The following CNTN4 variants were observed in gnomAD, a reference collection of about 807,000 sequenced individuals.
The protein encoded by CNTN4 is contactin-4.
A neutral mutation model predicts 122.5 loss-of-function variants in CNTN4; 77 were observed. The ratio of observed to expected loss-of-function variants is 0.63; its 90% CI spans 0.52 to 0.76. CNTN4 has a LOEUF of 0.76. CNTN4 is among the 30% of genes least tolerant of loss of function. CNTN4 has a pLI of 0.00. For missense variants in CNTN4, 1,256 were observed against 1,259.1 expected (o/e 1.00, Z 0.04); for synonymous variants, 512 against 447.0 (o/e 1.15, Z -1.83).
chr3:2,954,382 A>T (rs942585351), intron 13 of CNTN4, among the ~76,000 whole-genome samples: 2 of 152,234 alleles, frequency 1.3e-5, no homozygotes, highest in Non-Finnish European at 2.9e-5. Context: ...ACCGATGGAC[A>T]GTATGTCTGG....
At chr3:2,936,451 G>A (rs2094567949) in intron 13 of CNTN4, among the ~76,000 whole-genome samples, 1 of 152,120 alleles carries the variant, frequency 6.6e-6, no homozygotes, top group African/African-American at 2.4e-5. Context: ...TGCACACTCA[G>A]GTATGACAAC....
chr3:2,828,145 G>A lies in CNTN4; in HGVS notation c.454+8564G>A, dbSNP rs144976708. 5.8e-3 allele frequency among the ~76,000 whole-genome samples: 886 copies of A among 152,022 alleles called. 5 individuals are homozygous for A. The highest frequency in any genetic ancestry group is 0.015 in the South Asian group (74 of 4,798). ...TGTTTGTGTATGTGTGTGTGTGTGC[G>A]TGTGTGTATAATGAGAGAAGTGCCC... On this transcript the variant is annotated intron_variant, in intron 7 of 24. Transcript: ENST00000418658.
chr3:2,381,249 A>G (rs928993763), intron 3 of CNTN4, among the ~76,000 whole-genome samples: 11 of 151,712 alleles, frequency 7.3e-5, no homozygotes, highest in South Asian at 2.1e-4. Context: ...CTCGTGATCC[A>G]CCCGCCTCGG....
intron 2 of CNTN4, among the ~76,000 whole-genome samples, chr3:2,125,923 G>GTGTA (rs1553570980): frequency 6.6e-6 from 1 of 150,690 alleles, no homozygotes; most frequent in Admixed American, 6.6e-5. Context: ...GTGTGTGTGT[G>GTGTA]TGTGTATGTG....
intron 3 of CNTN4, among the ~76,000 whole-genome samples, chr3:2,549,583 C>T (rs2078396137): frequency 6.6e-6 from 1 of 152,170 alleles, no homozygotes; most frequent in East Asian, 1.9e-4. Flanking sequence ...TTTTGATGTA[C>T]TGCTGAATTC....
intron 3 of CNTN4, among the ~76,000 whole-genome samples, chr3:2,485,193 T>A (rs1248314353): frequency 6.6e-6 from 1 of 152,232 alleles, no homozygotes; most frequent in East Asian, 1.9e-4. Context: ...CCTCTCCCCC[T>A]GTGGCTGTGG....
chr3:2,819,472 A>G lies in CNTN4; in HGVS notation c.359-14A>G. The G allele has an allele frequency of 6.2e-7, 1 of 1,600,306 alleles. No homozygotes were observed. Among genetic ancestry groups the G allele is most frequent in the East Asian group, 2.2e-5 (1 of 44,812 alleles). On this transcript the variant is annotated splice_polypyrimidine_tract_variant and intron_variant, in intron 6 of 24. Coordinates refer to ENST00000418658, the MANE Select transcript of CNTN4 (RefSeq NM_175607.3). ...TTAAAGTTTAAATGCTTTTTCCCAT[A>G]TTTCTCCCAACAGATCTTGACAACT...
At chr3:2,644,364 A>C (rs2083025648) in intron 4 of CNTN4, among the ~76,000 whole-genome samples, 1 of 152,188 alleles carries the variant, frequency 6.6e-6, no homozygotes, top group Non-Finnish European at 1.5e-5. Context: ...CATAGGCTTC[A>C]TTATCAGAAG....
intron 2 of CNTN4, among the ~76,000 whole-genome samples, chr3:2,275,111 T>C (rs1003838897): frequency 2.0e-5 from 3 of 152,214 alleles, no homozygotes; most frequent in Non-Finnish European, 4.4e-5. Flanking sequence ...ACATTTTATG[T>C]GTCCATCATC....
intron 13 of CNTN4, among the ~76,000 whole-genome samples, chr3:2,962,589 A>G (rs189566484): frequency 2.2e-4 from 34 of 152,322 alleles, no homozygotes; most frequent in Non-Finnish European, 1.5e-5. Context: ...TTACAGGAAT[A>G]GTTTGATCAG....
intron 13 of CNTN4, among the ~76,000 whole-genome samples, chr3:2,976,607 C>G (rs1559741956): frequency 2.0e-5 from 3 of 152,096 alleles, no homozygotes; most frequent in Admixed American, 1.3e-4. Context: ...AATTTGTTAT[C>G]CAAAATACCT....
At chr3:2,928,858 T>A (rs2151399553) in intron 13 of CNTN4, among the ~76,000 whole-genome samples, 1 of 152,356 alleles carries the variant, frequency 6.6e-6, no homozygotes, top group African/African-American at 2.4e-5. Flanking sequence ...AGGTTTTGTC[T>A]CATCTAACCA....
chr3:2,466,341 G>T (rs1248897524), intron 3 of CNTN4, among the ~76,000 whole-genome samples: 1 of 152,160 alleles, frequency 6.6e-6, no homozygotes, highest in Non-Finnish European at 1.5e-5. Context: ...GTATGCATAT[G>T]TGAAACAAAA....
At chr3:2,299,988 C>T (rs1344780215) in intron 2 of CNTN4, among the ~76,000 whole-genome samples, 1 of 152,100 alleles carries the variant, frequency 6.6e-6, no homozygotes, top group East Asian at 1.9e-4. Flanking sequence ...CCACTAATGA[C>T]TACTTGAAAT....
At chr3:2,588,878 G>A (rs1452146495) in intron 4 of CNTN4, among the ~76,000 whole-genome samples, 1 of 150,594 alleles carries the variant, frequency 6.6e-6, no homozygotes, top group Admixed American at 6.6e-5. Flanking sequence ...ATATTTTTGT[G>A]TGTGATCAGT....
intron 2 of CNTN4, among the ~76,000 whole-genome samples, chr3:2,170,944 A>G (rs903248808): frequency 6.6e-6 from 1 of 152,220 alleles, no homozygotes; most frequent in Non-Finnish European, 1.5e-5. Context: ...CACTTCAAAC[A>G]AAAGCACATT....
intron 3 of CNTN4, among the ~76,000 whole-genome samples, chr3:2,387,384 A>AAAAAT (rs113323765): frequency 0.16 from 24,940 of 152,072 alleles, 2,481 homozygotes; most frequent in Middle Eastern, 0.26. Context: ...AGAACATTTA[A>AAAAAT]AAAATAAGTG....
At chr3:2,906,430 T>C (rs1266771805) in intron 12 of CNTN4, among the ~76,000 whole-genome samples, 2 of 152,124 alleles carry the variant, frequency 1.3e-5, no homozygotes, top group African/African-American at 4.8e-5. Context: ...CTTCAAAACA[T>C]GTTGTATGTA....
intron 3 of CNTN4, among the ~76,000 whole-genome samples, chr3:2,464,944 A>G (rs1020396108): frequency 6.6e-6 from 1 of 152,198 alleles, no homozygotes; most frequent in African/African-American, 2.4e-5. Context: ...AGGTTGGGAT[A>G]AGAAGAAAAA....
Sources: allele counts gnomAD v4.1 joint callset (sites outside exome capture counted in the v4.1 genomes callset), GRCh38; gene constraint gnomAD v4.1.1; transcripts MANE v1.5; gene names NCBI Gene and HGNC (gene_info 2026-07-23, HGNC 2026-07-21).